Variants in CNTN1 observed in about 807,000 individuals in gnomAD.
CNTN1 encodes contactin 1.
In CNTN1, 38 loss-of-function variants were observed where a neutral mutation model predicts 126.4. That is an observed-to-expected ratio of 0.30 (90% CI 0.23 to 0.39). CNTN1 has a LOEUF of 0.39. Among genes scored for constraint, CNTN1 ranks in the 10% least tolerant of loss-of-function variants. The pLI is 1.00. For synonymous variants in CNTN1, 413 were observed against 422.6 expected (o/e 0.98, Z 0.28); for missense variants, 1,009 against 1,248.4 (o/e 0.81, Z 2.89).
chr12:40,836,008 G>GTATA (rs1555166392), intron 1 of CNTN1, among the ~76,000 whole-genome samples: 8 of 148,244 alleles, frequency 5.4e-5, no homozygotes, highest in South Asian at 2.1e-4. Flanking sequence ...GTGTGTGTGT[G>GTATA]TATATATGTA....
rs900036656 is a variant in CNTN1, at chr12:40,788,074, T to G, written c.-77+95482T>G. Reference sequence around the variant, plus strand: ...AAACTCAGTCTTTTTTATTTTGAATTATATTAACTCCAAACTTGGCATGAG... The same window carrying G: ...AAACTCAGTCTTTTTTATTTTGAATGATATTAACTCCAAACTTGGCATGAG... On this transcript the variant is annotated intron_variant, in intron 1 of 23. Transcript: ENST00000551295. Among the ~76,000 whole-genome samples, 8 of 152,248 alleles carry G rather than the reference T, an allele frequency of 5.3e-5. No individual in the cohort carries two copies. The East Asian group carries it at 1.5e-3, about 29-fold the overall frequency.
chr12:40,748,385 G>T (rs1271109006), intron 1 of CNTN1, among the ~76,000 whole-genome samples: 1 of 152,086 alleles, frequency 6.6e-6, no homozygotes, highest in Non-Finnish European at 1.5e-5. Flanking sequence ...TGGCATAGTA[G>T]CTTGCTAAAT....
At chr12:40,840,399 A>G (rs1853864248) in intron 1 of CNTN1, among the ~76,000 whole-genome samples, 1 of 151,986 alleles carries the variant, frequency 6.6e-6, no homozygotes, top group South Asian at 2.1e-4. Context: ...ATAGTGAGAG[A>G]CTTTAACACC....
chr12:40,794,132 C>A (rs1399226046), intron 1 of CNTN1, among the ~76,000 whole-genome samples: 1 of 151,974 alleles, frequency 6.6e-6, no homozygotes, highest in Non-Finnish European at 1.5e-5. Context: ...AATGAGGAAA[C>A]CAACTGAGAT....
intron 3 of CNTN1, among the ~76,000 whole-genome samples, chr12:40,917,262 G>A (rs1945279441): frequency 6.6e-6 from 1 of 151,946 alleles, no homozygotes; most frequent in Admixed American, 6.6e-5. Context: ...TGAAGAGATT[G>A]GCAAATTCAT....
intron 1 of CNTN1, among the ~76,000 whole-genome samples, chr12:40,701,317 A>G (rs1941589282): frequency 6.6e-6 from 1 of 152,212 alleles, no homozygotes; most frequent in Admixed American, 6.5e-5. Flanking sequence ...TATGCCTCTA[A>G]TAGGCCAATC....
At chr12:40,999,435 G>T (rs1425870520) in intron 17 of CNTN1, among the ~76,000 whole-genome samples, 1 of 152,036 alleles carries the variant, frequency 6.6e-6, no homozygotes, top group Non-Finnish European at 1.5e-5. Context: ...TGTACTTAGG[G>T]TGATTTACTT....
intron 1 of CNTN1, among the ~76,000 whole-genome samples, chr12:40,792,732 A>C (rs1940266893): frequency 1.3e-5 from 2 of 151,948 alleles, no homozygotes; most frequent in Admixed American, 6.6e-5. Flanking sequence ...TTTTAGTTTT[A>C]ATTGTTTATT....
At chr12:40,695,449 A>G (rs1941427480) in intron 1 of CNTN1, among the ~76,000 whole-genome samples, 1 of 152,148 alleles carries the variant, frequency 6.6e-6, no homozygotes, top group South Asian at 2.1e-4. Flanking sequence ...GTCCCTTGAG[A>G]CCAACTAGGA....
chr12:40,765,737 T>C (rs1830646430), intron 1 of CNTN1, among the ~76,000 whole-genome samples: 1 of 152,178 alleles, frequency 6.6e-6, no homozygotes, highest in African/African-American at 2.4e-5. Context: ...AACACCCATA[T>C]TTTTTGCCAA....
intron 2 of CNTN1, 41 bp from the exon 3 acceptor site, chr12:40,910,032 A>C: frequency 1.3e-6 from 2 of 1,483,832 alleles, no homozygotes; most frequent in Admixed American, 1.7e-5. Flanking sequence ...CAATTCAAAT[A>C]ATTGCTTCAG....
At chr12:41,034,376 C>A (rs963037035) in intron 23 of CNTN1, among the ~76,000 whole-genome samples, 5 of 152,144 alleles carry the variant, frequency 3.3e-5, no homozygotes, top group African/African-American at 1.2e-4. Context: ...CTGCCAGTAG[C>A]AGAAGAAGGT....
chr12:40,934,429 C>CT (rs35534983), intron 9 of CNTN1, among the ~76,000 whole-genome samples: 6,501 of 138,402 alleles, frequency 0.047, 401 homozygotes, highest in African/African-American at 0.15. Context: ...TTTAAGAAAT[C>CT]TTTTTTTTTT....
At chr12:40,972,089 G>A (rs560446853) in intron 15 of CNTN1, 1 of 985,470 alleles carries the variant, frequency 1.0e-6, no homozygotes, top group South Asian at 4.7e-5. Context: ...TAGGGTTTTT[G>A]GAACAATTCC....
chr12:40,761,962 G>T (rs920036546), intron 1 of CNTN1, among the ~76,000 whole-genome samples: 3 of 151,888 alleles, frequency 2.0e-5, no homozygotes, highest in Non-Finnish European at 2.9e-5. Context: ...GGCAATGCAG[G>T]ATAACTGATT....
intron 20 of CNTN1, among the ~76,000 whole-genome samples, chr12:41,023,949 C>T (rs970655636): frequency 6.6e-6 from 1 of 152,132 alleles, no homozygotes; most frequent in African/African-American, 2.4e-5. Flanking sequence ...AGCTCAGATA[C>T]AAACGTGCTA....
intron 1 of CNTN1, among the ~76,000 whole-genome samples, chr12:40,703,623 C>T (rs1941657562): frequency 6.6e-6 from 1 of 152,144 alleles, no homozygotes; most frequent in Admixed American, 6.5e-5. Context: ...TCTCACTGAC[C>T]TATTTATGAC....
intron 23 of CNTN1, among the ~76,000 whole-genome samples, chr12:41,049,870 C>T (rs1016984020): frequency 6.6e-6 from 1 of 152,280 alleles, no homozygotes; most frequent in Non-Finnish European, 1.5e-5. Flanking sequence ...CAATGTCCTG[C>T]AAAATTTGAT....
At chr12:40,818,028 G>A (rs1357154321) in intron 1 of CNTN1, among the ~76,000 whole-genome samples, 6 of 152,112 alleles carry the variant, frequency 3.9e-5, no homozygotes, top group African/African-American at 1.2e-4. Context: ...CTTCTGAGAG[G>A]TCTGTTGTTA....
Sources: gnomAD v4.1 joint callset for allele counts (sites outside exome capture counted in the v4.1 genomes callset) on GRCh38, gnomAD v4.1.1 for gene constraint, MANE v1.5 for transcripts, NCBI Gene and HGNC (gene_info 2026-07-23, HGNC 2026-07-21) for gene names.